Variants in NRXN1 observed in about 807,000 individuals in gnomAD.
NRXN1 encodes neurexin 1.
A neutral mutation model predicts 150.9 loss-of-function variants in NRXN1; 39 were observed. The ratio of observed to expected loss-of-function variants is 0.26; its 90% CI spans 0.20 to 0.34. The LOEUF (loss-of-function observed/expected upper bound fraction) is 0.34. Among genes scored for constraint, NRXN1 ranks in the 10% least tolerant of loss-of-function variants. NRXN1 has a pLI of 1.00. For missense variants in NRXN1, 1,815 were observed against 1,949.9 expected, an observed-to-expected ratio of 0.93 and a Z score of 1.30; for synonymous variants, 924 against 757.0, an observed-to-expected ratio of 1.22 and a Z score of -3.62.
At chr2:50,637,431 C>T (rs1683389928) in intron 5 of NRXN1, 1 of 152,146 alleles carries the variant, frequency 6.6e-6, no homozygotes, top group Non-Finnish European at 1.5e-5. Flanking sequence ...ATAAGACAGA[C>T]TCCTTAGGGT....
At chr2:50,469,204 T>A (rs1359598402) in intron 16 of NRXN1, among the ~76,000 whole-genome samples, 2 of 151,638 alleles carry the variant, frequency 1.3e-5, no homozygotes, top group African/African-American at 4.8e-5. Flanking sequence ...TGGGTTTTAA[T>A]GATTCTGTAA....
At chr2:50,384,505 CAAAAAAAAAAAAAA>C (rs56052881) in intron 17 of NRXN1, among the ~76,000 whole-genome samples, 1 of 55,962 alleles carries the variant, frequency 1.8e-5, no homozygotes, top group African/African-American at 6.4e-5. Context: ...GACTCCATCT[CAAAAAAAAAAAAAA>C]AAAAAAAAAA....
intron 5 of NRXN1, among the ~76,000 whole-genome samples, chr2:50,868,060 TAC>T (rs1179227354): frequency 1.3e-5 from 2 of 148,782 alleles, no homozygotes; most frequent in Non-Finnish European, 3.0e-5. Context: ...GCAGAAAATT[TAC>T]AGTTATTGTT....
chr2:50,490,769 G>A (rs965421893), intron 15 of NRXN1, among the ~76,000 whole-genome samples: 7 of 152,022 alleles, frequency 4.6e-5, no homozygotes, highest in Admixed American at 3.3e-4. Flanking sequence ...GTATCCGAGG[G>A]AAAAACCAAG....
At chr2:50,871,741 G>T (rs79127403) in intron 5 of NRXN1, among the ~76,000 whole-genome samples, 7,824 of 151,876 alleles carry the variant, frequency 0.052, 237 homozygotes, top group East Asian at 0.069. Context: ...TTTTCAAGAT[G>T]AATGGTATAG....
At chr2:50,092,967 T>A (rs1699779148) in intron 18 of NRXN1, among the ~76,000 whole-genome samples, 3 of 152,186 alleles carry the variant, frequency 2.0e-5, no homozygotes, top group Admixed American at 6.5e-5. Context: ...TAACTTATTA[T>A]GTCTCTTAAA....
intron 18 of NRXN1, among the ~76,000 whole-genome samples, chr2:50,219,156 G>A (rs1267326900): frequency 1.3e-5 from 2 of 151,854 alleles, no homozygotes; most frequent in East Asian, 1.9e-4. Flanking sequence ...TCTCAATTAG[G>A]TATTGCAGAT....
At chr2:50,109,681 G>A (rs1702125136) in intron 18 of NRXN1, among the ~76,000 whole-genome samples, 1 of 151,998 alleles carries the variant, frequency 6.6e-6, no homozygotes, top group Non-Finnish European at 1.5e-5. Context: ...AGCAATTACT[G>A]CAGTAGAGAC....
At chr2:50,916,466 T>TTGA (rs80145188) in intron 5 of NRXN1, among the ~76,000 whole-genome samples, 13,633 of 151,422 alleles carry the variant, frequency 0.09, 685 homozygotes, top group South Asian at 0.12. Flanking sequence ...CCTAAAAGTG[T>TTGA]TGATGGTTGT....
intron 21 of NRXN1, among the ~76,000 whole-genome samples, chr2:50,038,490 G>A (rs563452122): frequency 1.3e-5 from 2 of 152,210 alleles, no homozygotes; most frequent in South Asian, 4.1e-4. Context: ...GAAAGTGAAT[G>A]GCATCCTACA....
At position 50,960,464 on chromosome 2, in the gene NRXN1, T is replaced by A. The variant is rs568141119; in HGVS notation, c.773-34509A>T. ...CTACCAAGGTCTGTTTTGACCTAAA[T>A]AATGGAGGCTTAAAAAAGAATTATT... On this transcript the variant is annotated intron_variant, in intron 2 of 22. Coordinates refer to ENST00000401669, the MANE Select transcript of NRXN1 (RefSeq NM_001330078.2). Among the ~76,000 whole-genome samples the A allele has an allele frequency of 5.9e-5, 9 of 151,912 alleles. 1 individual carries two copies. The highest frequency in any genetic ancestry group is 1.3e-4 in the Non-Finnish European group (9 of 67,920).
intron 5 of NRXN1, among the ~76,000 whole-genome samples, chr2:50,667,203 G>T (rs1421255508): frequency 6.6e-6 from 1 of 151,400 alleles, no homozygotes; most frequent in Non-Finnish European, 1.5e-5. Flanking sequence ...CAAGTAAACT[G>T]CACTTTTCTT....
chr2:50,845,974 A>G (rs1673585275), intron 5 of NRXN1, among the ~76,000 whole-genome samples: 1 of 152,176 alleles, frequency 6.6e-6, no homozygotes, highest in Non-Finnish European at 1.5e-5. Flanking sequence ...CTAATAGCAC[A>G]TTTCAGTATT....
At chr2:50,808,101 T>C (rs1184332025) in intron 5 of NRXN1, among the ~76,000 whole-genome samples, 1 of 152,068 alleles carries the variant, frequency 6.6e-6, no homozygotes. Context: ...TTTATAACTA[T>C]GAGTGAGGCT....
At chr2:50,335,891 T>A (rs940670888) in intron 17 of NRXN1, among the ~76,000 whole-genome samples, 1 of 36,806 alleles carries the variant, frequency 2.7e-5, no homozygotes, top group Non-Finnish European at 5.0e-5. Flanking sequence ...GTCCTTTCTG[T>A]TTTTTTTTTT....
intron 5 of NRXN1, among the ~76,000 whole-genome samples, chr2:50,669,201 T>C (rs530168502): frequency 2.6e-5 from 4 of 152,090 alleles, no homozygotes; most frequent in South Asian, 2.1e-4. Flanking sequence ...CTTACTTTAG[T>C]TCGACCCCGG....
intron 17 of NRXN1, among the ~76,000 whole-genome samples, chr2:50,424,344 A>C (rs977657982): frequency 9.4e-5 from 14 of 149,550 alleles, no homozygotes; most frequent in Non-Finnish European, 1.9e-4. Flanking sequence ...GAGGAGGAGG[A>C]GGAAATAAAT....
intron 5 of NRXN1, among the ~76,000 whole-genome samples, chr2:50,743,324 C>A (rs779407858): frequency 2.0e-5 from 3 of 152,052 alleles, no homozygotes; most frequent in Admixed American, 6.6e-5. Context: ...AGTGGGTATG[C>A]TCTACTAACA....
chr2:50,379,720 T>C (rs1178951496), intron 17 of NRXN1, among the ~76,000 whole-genome samples: 2 of 151,998 alleles, frequency 1.3e-5, no homozygotes, highest in Non-Finnish European at 2.9e-5. Context: ...TAGAAGGGTG[T>C]AAAAAAGGAG....
Sources: gnomAD v4.1 joint callset for allele counts (sites outside exome capture counted in the v4.1 genomes callset) on GRCh38, gnomAD v4.1.1 for gene constraint, MANE v1.5 for transcripts, NCBI Gene and HGNC (gene_info 2026-07-23, HGNC 2026-07-21) for gene names.